Variants in CAMSAP2 observed in about 807,000 individuals in gnomAD.
CAMSAP2 encodes the protein calmodulin-regulated spectrin-associated protein 2.
A neutral mutation model predicts 146.1 loss-of-function variants in CAMSAP2; 26 were observed. The ratio of observed to expected loss-of-function variants is 0.18; its 90% CI spans 0.13 to 0.25. CAMSAP2 has a LOEUF of 0.25. CAMSAP2 is among the 10% of genes least tolerant of loss of function. The pLI, the probability that CAMSAP2 is intolerant of heterozygous loss-of-function variation, is 1.00. For missense variants in CAMSAP2, 1,381 were observed against 1,759.3 expected (o/e 0.78, Z 3.85); for synonymous variants, 499 against 596.6 (o/e 0.84, Z 2.38).
At chr1:200,760,493 G>A (rs909142674) in intron 1 of CAMSAP2, among the ~76,000 whole-genome samples, 1 of 152,258 alleles carries the variant, frequency 6.6e-6, no homozygotes, top group African/African-American at 2.4e-5. Flanking sequence ...TGTGAGGAGC[G>A]TCATTGAAAT....
intron 2 of CAMSAP2, among the ~76,000 whole-genome samples, chr1:200,768,322 G>A (rs1023213255): frequency 2.0e-5 from 3 of 152,134 alleles, no homozygotes; most frequent in African/African-American, 7.2e-5. Context: ...TGAGAGCATG[G>A]TGACCCTCAG....
chr1:200,775,192 G>C (rs749050152), intron 2 of CAMSAP2, among the ~76,000 whole-genome samples: 2 of 152,180 alleles, frequency 1.3e-5, no homozygotes, highest in Non-Finnish European at 2.9e-5. Context: ...AGATGATCTG[G>C]AAAAAGAACA....
chr1:200,749,693 T>C (rs1664445532), intron 1 of CAMSAP2, among the ~76,000 whole-genome samples: 1 of 152,234 alleles, frequency 6.6e-6, no homozygotes, highest in Admixed American at 6.5e-5. Flanking sequence ...ACATTTCATC[T>C]ACATTTTACA....
intron 4 of CAMSAP2, among the ~76,000 whole-genome samples, chr1:200,831,305 C>A (rs1429464240): frequency 1.3e-5 from 2 of 152,154 alleles, no homozygotes; most frequent in Admixed American, 1.3e-4. Flanking sequence ...CACTTTGTGT[C>A]CATCATCTTA....
chr1:200,840,826 T>G (rs541816441), intron 6 of CAMSAP2, among the ~76,000 whole-genome samples: 1 of 152,308 alleles, frequency 6.6e-6, no homozygotes, highest in South Asian at 2.1e-4. Flanking sequence ...TAGTAACTAT[T>G]TTATTAAATG....
chr1:200,849,639 A>G lies in CAMSAP2; in HGVS notation c.2870A>G (p.His957Arg), dbSNP rs761660274. Residue 957 changes from histidine to arginine, a missense_variant, in exon 11 of 17, where the codon CAC becomes CGC. By Grantham distance (29) the His-to-Arg change is conservative. This residue lies in a region of CAMSAP2 where 560 missense variants were observed against 715.9 expected (regional missense o/e 0.78). Transcript: ENST00000358823. The surrounding 1 kb of genome is among the most constrained non-coding windows in gnomAD (Gnocchi z 6.3). ...PFSSDSPRPT[H>R]PSPQSSNRKS... ...TCCTCAGACTCCCCTCGTCCTACTCACCCATCTCCACAGTCTTCTAACAGG... is the reference window on the plus strand; with the variant it reads ...TCCTCAGACTCCCCTCGTCCTACTCGCCCATCTCCACAGTCTTCTAACAGG... 2 of 1,614,096 alleles carry G rather than the reference A, an allele frequency of 1.2e-6. No homozygotes were observed. The highest frequency in any genetic ancestry group is 1.1e-5 in the South Asian group (1 of 91,078).
intron 1 of CAMSAP2, among the ~76,000 whole-genome samples, chr1:200,748,445 A>G (rs1025480494): frequency 6.6e-6 from 1 of 152,196 alleles, no homozygotes; most frequent in Non-Finnish European, 1.5e-5. Context: ...TTTTTATTTT[A>G]CAGTTTTATT....
At chr1:200,765,535 T>G (rs1664925001) in intron 2 of CAMSAP2, among the ~76,000 whole-genome samples, 1 of 152,106 alleles carries the variant, frequency 6.6e-6, no homozygotes, top group Non-Finnish European at 1.5e-5. Flanking sequence ...GGCCATATGT[T>G]ATGTTCTATG....
At chr1:200,802,569 T>G (rs1404016663) in intron 2 of CAMSAP2, among the ~76,000 whole-genome samples, 1 of 152,160 alleles carries the variant, frequency 6.6e-6, no homozygotes, top group Non-Finnish European at 1.5e-5. Flanking sequence ...GTACCTCATG[T>G]TTGTGATTGA....
intron 2 of CAMSAP2, among the ~76,000 whole-genome samples, chr1:200,761,314 A>G (rs2103002182): frequency 6.6e-6 from 1 of 152,346 alleles, no homozygotes; most frequent in South Asian, 2.1e-4. Flanking sequence ...AGAAACAACT[A>G]CATAATTTCC....
At chr1:200,842,922 G>A (rs1667362651) in intron 7 of CAMSAP2, among the ~76,000 whole-genome samples, 1 of 150,558 alleles carries the variant, frequency 6.6e-6, no homozygotes, top group African/African-American at 2.5e-5. Context: ...GTTGCAGTGA[G>A]CGAGATTGCA....
At chr1:200,834,458 A>G (rs1667134713) in intron 6 of CAMSAP2, among the ~76,000 whole-genome samples, 1 of 152,150 alleles carries the variant, frequency 6.6e-6, no homozygotes, top group Non-Finnish European at 1.5e-5. Flanking sequence ...TGTTATGAAT[A>G]CTGTTATTTT....
chr1:200,832,472 TAAG>T lies in CAMSAP2; in HGVS notation c.787+132_787+134del. 1 of 923,684 alleles carries T rather than the reference TAAG, an allele frequency of 1.1e-6. No individual in the cohort carries two copies. The highest frequency in any genetic ancestry group is 2.5e-5 in the South Asian group (1 of 39,248). 57.2% of individuals were successfully genotyped at this position (923,684 alleles called of 1,614,324 possible). On this transcript the variant is annotated intron_variant, in intron 5 of 16. Coordinates refer to ENST00000358823, the MANE Select transcript of CAMSAP2 (RefSeq NM_203459.4). This position sits in a 1 kb window ranked among gnomAD's most constrained non-coding sequence, Gnocchi z 4.2. ...TCAAAAAAAAGACAATATTATTTAA[TAAG>T]TACTGAAGACTTTTTTTTAAAAATA...
intron 1 of CAMSAP2, among the ~76,000 whole-genome samples, chr1:200,757,871 C>T (rs1664693061): frequency 6.6e-6 from 1 of 152,196 alleles, no homozygotes; most frequent in African/African-American, 2.4e-5. Context: ...CTTACACTTT[C>T]ACAACTTAGG....
At chr1:200,771,079 A>G (rs1397954624) in intron 2 of CAMSAP2, among the ~76,000 whole-genome samples, 2 of 152,180 alleles carry the variant, frequency 1.3e-5, no homozygotes, top group Non-Finnish European at 2.9e-5. Flanking sequence ...GAATATGAGC[A>G]TGGAGTAGGA....
intron 6 of CAMSAP2, among the ~76,000 whole-genome samples, chr1:200,836,903 G>A (rs1196776789): frequency 6.6e-6 from 1 of 152,072 alleles, no homozygotes; most frequent in Non-Finnish European, 1.5e-5. Flanking sequence ...CTTTTGAAAA[G>A]TGTCTGTTCA....
At chr1:200,749,173 G>A (rs1664429351) in intron 1 of CAMSAP2, among the ~76,000 whole-genome samples, 1 of 152,202 alleles carries the variant, frequency 6.6e-6, no homozygotes, top group African/African-American at 2.4e-5. Context: ...TGTCTCTACT[G>A]CATTAGCCTT....
chr1:200,854,136 T>A (rs1312399561), intron 13 of CAMSAP2, among the ~76,000 whole-genome samples: 1 of 152,078 alleles, frequency 6.6e-6, no homozygotes, highest in Non-Finnish European at 1.5e-5. Flanking sequence ...AGTGCCACCA[T>A]ACCCAGCTAA....
At chr1:200,833,807 G>C (rs1667105430) in intron 6 of CAMSAP2, among the ~76,000 whole-genome samples, 1 of 152,054 alleles carries the variant, frequency 6.6e-6, no homozygotes, top group Non-Finnish European at 1.5e-5. Flanking sequence ...ATAGTTAAAT[G>C]ATATGGTATC....
Sources: gnomAD v4.1 joint callset for allele counts (sites outside exome capture counted in the v4.1 genomes callset) on GRCh38, gnomAD v4.1.1 for gene constraint, gnomAD v4.1.1 regional missense constraint, Gnocchi (gnomAD v3.1) non-coding constraint, MANE v1.5 for transcripts, NCBI Gene and HGNC (gene_info 2026-07-23, HGNC 2026-07-21) for gene names.